Variants in DOCK2 observed in about 807,000 individuals in gnomAD.
The protein encoded by DOCK2 is dedicator of cytokinesis protein 2.
In DOCK2, 87 loss-of-function variants were observed where a neutral mutation model predicts 248.9. The observed-to-expected ratio is 0.35, with a 90% CI of 0.29 to 0.42. The LOEUF is 0.42. DOCK2 is among the 10% of genes least tolerant of loss of function. DOCK2 has a pLI of 1.00. For missense variants in DOCK2, 1,747 were observed against 2,300.2 expected, an observed-to-expected ratio of 0.76 and a Z score of 4.92; for synonymous variants, 805 against 821.6, an observed-to-expected ratio of 0.98 and a Z score of 0.35.
At chr5:169,673,396 TA>T (rs1417790604) in intron 5 of DOCK2, among the ~76,000 whole-genome samples, 4 of 152,046 alleles carry the variant, frequency 2.6e-5, no homozygotes, top group African/African-American at 4.8e-5. Context: ...TATATATATA[TA>T]TTTTTTTGTT....
chr5:169,721,536 T>C (rs1249947952), intron 22 of DOCK2, among the ~76,000 whole-genome samples: 1 of 152,256 alleles, frequency 6.6e-6, no homozygotes, highest in East Asian at 1.9e-4. Flanking sequence ...TGCTTTGAGA[T>C]GTCTAACCCA....
intron 39 of DOCK2, among the ~76,000 whole-genome samples, chr5:170,046,812 A>T (rs1171048811): frequency 6.6e-6 from 1 of 151,904 alleles, no homozygotes; most frequent in African/African-American, 2.4e-5. Flanking sequence ...AGCACACACT[A>T]ATGTATGTGC....
chr5:169,753,535 A>G (rs1047919339), intron 23 of DOCK2, among the ~76,000 whole-genome samples: 17 of 152,244 alleles, frequency 1.1e-4, no homozygotes, highest in Non-Finnish European at 1.9e-4. Flanking sequence ...AAAGAGGTTA[A>G]GTAACTTACC....
At chr5:169,806,678 A>T (rs969677924) in intron 26 of DOCK2, among the ~76,000 whole-genome samples, 1 of 152,162 alleles carries the variant, frequency 6.6e-6, no homozygotes, top group African/African-American at 2.4e-5. Context: ...CTACACTGTC[A>T]TGCCCACCTT....
rs376750071 is a variant in DOCK2 at position 169,764,538 on chromosome 5, C to T, written c.2554+2913C>T. 6.6e-6 allele frequency among the ~76,000 whole-genome samples: 1 copy of T among 152,160 alleles called. No homozygotes were observed. The highest frequency in any genetic ancestry group is 2.4e-5 in the African/African-American group (1 of 41,424). On this transcript the variant is annotated intron_variant, in intron 25 of 51. Transcript: ENST00000520908. This position sits in a 1 kb window ranked among gnomAD's most constrained non-coding sequence, Gnocchi z 4.3. ...TGGGAATAAGAACAATAACGTCTGTCTTAGAGGGTGATAGTGTGGGCTAAT... is the reference window on the plus strand; with the variant it reads ...TGGGAATAAGAACAATAACGTCTGTTTTAGAGGGTGATAGTGTGGGCTAAT...
At position 169,689,332 on chromosome 5, in the gene DOCK2, C is replaced by A; in HGVS notation, c.842C>A (p.Thr281Lys). Residue 281 changes from threonine (T) to lysine (K), a missense_variant and splice_region_variant, in exon 9 of 52, where the codon ACG (threonine) becomes AAG (lysine). Transcript: ENST00000520908. ...EMLNNLKVVF[T>K]DLGNKDLNRD... Reference sequence around the variant, plus strand: ...CTCAACAATCTGAAGGTGGTCTTCACGGTGAGTGTGCACCCTCTTCTCGTT... The same window carrying A: ...CTCAACAATCTGAAGGTGGTCTTCAAGGTGAGTGTGCACCCTCTTCTCGTT... 1 of 1,613,910 alleles carries A rather than the reference C, an allele frequency of 6.2e-7. No individual in the cohort carries two copies. The highest frequency in any genetic ancestry group is 8.5e-7 in the Non-Finnish European group (1 of 1,179,946).
rs143825468 is a variant in DOCK2 at position 169,649,828 on chromosome 5, G to A, written c.44-4575G>A. ...TTTTTCTTTCTTTTTTTTTTTGCCG[G>A]CGTCTTGCTCTGTCACCCGGGCTGG... On this transcript the variant is annotated intron_variant, in intron 1 of 51. Transcript: ENST00000520908. Among the ~76,000 whole-genome samples the A allele has an allele frequency of 1.9e-4, 29 of 150,838 alleles. 1 individual carries two copies. Among genetic ancestry groups the A allele is most frequent in the African/African-American group, 6.8e-4 (28 of 41,004 alleles).
intron 27 of DOCK2, among the ~76,000 whole-genome samples, chr5:169,854,513 T>A (rs935749994): frequency 3.3e-5 from 5 of 152,232 alleles, no homozygotes; most frequent in African/African-American, 1.2e-4. Flanking sequence ...ATAATTTCAC[T>A]TTTCTTCTGA....
At chr5:169,838,601 G>A (rs987790059) in intron 26 of DOCK2, among the ~76,000 whole-genome samples, 4 of 152,158 alleles carry the variant, frequency 2.6e-5, no homozygotes, top group African/African-American at 7.2e-5. Context: ...CAGAAATATG[G>A]GGAGATCTGT....
chr5:169,953,330 C>T (rs1350013134), intron 27 of DOCK2, among the ~76,000 whole-genome samples: 1 of 116,186 alleles, frequency 8.6e-6, no homozygotes, highest in Non-Finnish European at 1.8e-5. Context: ...AAGACTCTAT[C>T]TCAAAAAAAA....
intron 27 of DOCK2, among the ~76,000 whole-genome samples, chr5:169,866,677 C>A (rs1235027860): frequency 6.6e-6 from 1 of 152,184 alleles, no homozygotes; most frequent in Non-Finnish European, 1.5e-5. Context: ...GACCTTCTAG[C>A]CAAAGCCCAG....
intron 34 of DOCK2, among the ~76,000 whole-genome samples, chr5:170,029,783 T>A (rs894917062): frequency 1.3e-5 from 2 of 152,216 alleles, no homozygotes; most frequent in African/African-American, 2.4e-5. Flanking sequence ...CCTTTTTGAA[T>A]GTTTTAAATT....
At chr5:169,783,969 C>A (rs1422866852) in intron 25 of DOCK2, among the ~76,000 whole-genome samples, 1 of 152,182 alleles carries the variant, frequency 6.6e-6, no homozygotes, top group East Asian at 1.9e-4. Flanking sequence ...ACTCAACCAG[C>A]ATAAAGGACT....
intron 38 of DOCK2, among the ~76,000 whole-genome samples, chr5:170,045,538 A>G (rs971685437): frequency 6.6e-6 from 1 of 152,088 alleles, no homozygotes; most frequent in African/African-American, 2.4e-5. Flanking sequence ...GCTGTCAGTT[A>G]CCTCTCAGAG....
At chr5:169,676,831 G>T (rs1045015631) in intron 6 of DOCK2, among the ~76,000 whole-genome samples, 29 of 152,148 alleles carry the variant, frequency 1.9e-4, no homozygotes, top group South Asian at 4.1e-4. Context: ...TGCACACCTG[G>T]TAGGCCCCAA....
intron 23 of DOCK2, among the ~76,000 whole-genome samples, chr5:169,749,478 A>C (rs1763790056): frequency 6.6e-6 from 1 of 152,166 alleles, no homozygotes; most frequent in South Asian, 2.1e-4. Context: ...TCTTCAACTA[A>C]TAATCATTTA....
rs567966371 is a variant in DOCK2, at chr5:169,835,990, A to G, written c.2704-4767A>G. 1.2e-3 allele frequency among the ~76,000 whole-genome samples: 185 copies of G among 152,342 alleles called. 3 individuals carry two copies. The highest frequency in any genetic ancestry group is 7.8e-4 in the Non-Finnish European group (53 of 68,026). On this transcript the variant is annotated intron_variant, in intron 26 of 51. Coordinates refer to ENST00000520908, the MANE Select transcript of DOCK2 (RefSeq NM_004946.3). The stretch of plus-strand genomic sequence containing the variant: ...AGGCTGATCTTGAACTCATGGGCTC[A>G]TGCAATCTTCCCGCCTGGGTCTCCC...
chr5:169,785,664 A>G (rs1485918655), intron 25 of DOCK2, among the ~76,000 whole-genome samples: 1 of 152,206 alleles, frequency 6.6e-6, no homozygotes, highest in Admixed American at 6.5e-5. Flanking sequence ...TCCCTAAAGC[A>G]GAAGTTTCTT....
chr5:169,658,145 A>G (rs528747728), intron 2 of DOCK2, among the ~76,000 whole-genome samples: 1 of 152,168 alleles, frequency 6.6e-6, no homozygotes, highest in African/African-American at 2.4e-5. Flanking sequence ...CATTGAATCA[A>G]AGTTCAAATG....
Sources: allele counts gnomAD v4.1 joint callset (sites outside exome capture counted in the v4.1 genomes callset), GRCh38; gene constraint gnomAD v4.1.1; non-coding constraint Gnocchi (gnomAD v3.1); transcripts MANE v1.5; gene names NCBI Gene and HGNC (gene_info 2026-07-23, HGNC 2026-07-21).